CDC73: variants seen among roughly 807,000 people sequenced by gnomAD.
CDC73 encodes cell division cycle 73.
CDC73 carries 21 observed loss-of-function variants against 83.7 expected under a neutral mutation model. That is an observed-to-expected ratio of 0.25 (90% CI 0.18 to 0.36). CDC73 has a LOEUF of 0.36. Ranked by LOEUF, CDC73 falls within the 10% of genes least tolerant of loss-of-function variation. The pLI is 1.00. For missense variants in CDC73, 342 were observed against 653.3 expected, an observed-to-expected ratio of 0.52 and a Z score of 5.19; for synonymous variants, 224 against 212.9, an observed-to-expected ratio of 1.05 and a Z score of -0.45.
intron 10 of CDC73, among the ~76,000 whole-genome samples, chr1:193,194,036 C>T (rs1044811597): frequency 1.1e-4 from 16 of 152,058 alleles, no homozygotes; most frequent in African/African-American, 3.9e-4. Context: ...AAGATATACC[C>T]TGTGATAGAA....
chr1:193,181,322 TC>T, intron 10 of CDC73: 1 of 1,614,090 alleles, frequency 6.2e-7, no homozygotes, highest in Non-Finnish European at 8.5e-7. Flanking sequence ...TTCCAAATGT[TC>T]CGAAGGGAGC....
chr1:193,191,643 C>T (rs2103168616), intron 10 of CDC73, among the ~76,000 whole-genome samples: 1 of 152,268 alleles, frequency 6.6e-6, no homozygotes, highest in South Asian at 2.1e-4. Flanking sequence ...ACCTCGTCCT[C>T]CCAAAGTGCG....
chr1:193,162,162 T>C (rs1676338908), intron 10 of CDC73, among the ~76,000 whole-genome samples: 1 of 110,788 alleles, frequency 9.0e-6, no homozygotes, highest in South Asian at 2.6e-4. Flanking sequence ...ATCTATTATA[T>C]TGTATATAAT....
intron 8 of CDC73, among the ~76,000 whole-genome samples, chr1:193,149,531 A>G (rs372647393): frequency 1.3e-5 from 2 of 152,182 alleles, no homozygotes; most frequent in African/African-American, 4.8e-5. Context: ...TTCTTTCTGT[A>G]TATTTATATA....
chr1:193,150,100 T>C (rs1676079236), intron 8 of CDC73, among the ~76,000 whole-genome samples: 1 of 151,892 alleles, frequency 6.6e-6, no homozygotes, highest in Non-Finnish European at 1.5e-5. Flanking sequence ...GGTGAAACTT[T>C]GTCTTTATAA....
chr1:193,134,668 C>CA (rs1025462221), intron 3 of CDC73, among the ~76,000 whole-genome samples: 22 of 149,074 alleles, frequency 1.5e-4, no homozygotes, highest in African/African-American at 3.0e-4. Flanking sequence ...GACTCCGTCT[C>CA]AAAAAAAAAG....
chr1:193,205,913 ATTGT>A (rs879807376), intron 11 of CDC73, among the ~76,000 whole-genome samples: 68 of 152,212 alleles, frequency 4.5e-4, no homozygotes, highest in Non-Finnish European at 9.3e-4. Flanking sequence ...AGATAAGAGA[ATTGT>A]TTGTTTTTCT....
At chr1:193,222,226 A>G (rs1361404271) in intron 13 of CDC73, among the ~76,000 whole-genome samples, 11 of 152,120 alleles carry the variant, frequency 7.2e-5, no homozygotes, top group Admixed American at 6.5e-5. Context: ...TGGCAGCCAC[A>G]TGGGGCCGAG....
intron 13 of CDC73, among the ~76,000 whole-genome samples, chr1:193,226,876 G>A (rs973065848): frequency 6.6e-6 from 1 of 152,110 alleles, no homozygotes; most frequent in African/African-American, 2.4e-5. Context: ...TTGTGGAATA[G>A]CGTCAAAAGG....
intron 10 of CDC73, among the ~76,000 whole-genome samples, chr1:193,170,320 A>G (rs905788298): frequency 6.6e-6 from 1 of 152,140 alleles, no homozygotes; most frequent in Admixed American, 6.6e-5. Flanking sequence ...CAGTAATGAG[A>G]TTGCTGGGTT....
chr1:193,180,330 T>G, intron 10 of CDC73: 1 of 1,590,928 alleles, frequency 6.3e-7, no homozygotes, highest in Non-Finnish European at 8.6e-7. Flanking sequence ...TGCCTGCCTT[T>G]TCTTTTGCTG....
chr1:193,146,853 G>A (rs1676008550), intron 7 of CDC73, among the ~76,000 whole-genome samples: 2 of 152,202 alleles, frequency 1.3e-5, no homozygotes, highest in African/African-American at 4.8e-5. Context: ...TCTTTGAAAA[G>A]TGTACATTGA....
intron 10 of CDC73, among the ~76,000 whole-genome samples, chr1:193,163,239 C>A (rs1196938378): frequency 6.6e-6 from 1 of 151,516 alleles, no homozygotes; most frequent in Non-Finnish European, 1.5e-5. Flanking sequence ...GGCGCAGTGG[C>A]TCATGCCTGT....
At chr1:193,204,001 T>G in intron 11 of CDC73, 149 bp downstream of exon 11, 1 of 694,264 alleles carries the variant, frequency 1.4e-6, no homozygotes, top group East Asian at 2.7e-5. Context: ...CGATACTGTT[T>G]AAGCAGATCT....
chr1:193,190,719 A>G (rs763911749), intron 10 of CDC73, among the ~76,000 whole-genome samples: 3 of 152,346 alleles, frequency 2.0e-5, no homozygotes, highest in South Asian at 2.1e-4. Context: ...ACTATTAACA[A>G]TGAGCATTTA....
At chr1:193,233,226 T>C in intron 14 of CDC73, 72 bp downstream of exon 14, 2 of 1,394,902 alleles carry the variant, frequency 1.4e-6, no homozygotes, top group Middle Eastern at 2.4e-4. Flanking sequence ...TTATTGCCGT[T>C]GATGACGTTG....
At chr1:193,237,855 G>T (rs548669379) in intron 15 of CDC73, among the ~76,000 whole-genome samples, 2 of 152,198 alleles carry the variant, frequency 1.3e-5, no homozygotes, top group Admixed American at 1.3e-4. Context: ...GGATCTGCAG[G>T]TTGGGCCCGG....
intron 7 of CDC73, among the ~76,000 whole-genome samples, chr1:193,143,272 A>G (rs1169956646): frequency 1.3e-5 from 2 of 152,286 alleles, no homozygotes; most frequent in South Asian, 2.1e-4. Flanking sequence ...CATTTTTGCT[A>G]TTTACAACAA....
At chr1:193,231,058 C>A (rs1235522557) in intron 13 of CDC73, among the ~76,000 whole-genome samples, 5 of 151,972 alleles carry the variant, frequency 3.3e-5, no homozygotes, top group Non-Finnish European at 7.4e-5. Flanking sequence ...AATGTGTAGA[C>A]CTGCAAAAGT....
Sources: allele counts gnomAD v4.1 joint callset (sites outside exome capture counted in the v4.1 genomes callset), GRCh38; gene constraint gnomAD v4.1.1; transcripts MANE v1.5; gene names NCBI Gene and HGNC (gene_info 2026-07-23, HGNC 2026-07-21).